FAM98A: variants seen among roughly 807,000 people sequenced by gnomAD.
FAM98A encodes the protein tRNA splicing ligase complex subunit 3A.
FAM98A carries 25 observed loss-of-function variants against 62.9 expected under a neutral mutation model. The ratio of observed to expected loss-of-function variants is 0.40; its 90% CI spans 0.29 to 0.56. FAM98A has a LOEUF of 0.56. FAM98A is among the 20% of genes least tolerant of loss of function. The pLI is 0.51. For synonymous variants in FAM98A, 252 were observed against 228.6 expected, an observed-to-expected ratio of 1.10 and a Z score of -0.92; for missense variants, 653 against 640.7, an observed-to-expected ratio of 1.02 and a Z score of -0.21.
chr2:33,595,618 C>T lies in FAM98A; in HGVS notation c.73G>A (p.Glu25Lys), dbSNP rs1275580463. ...EDLGYKGPLLEDGALSQAVSA... is the reference protein window; with the variant it reads ...EDLGYKGPLLKDGALSQAVSA... ...ACTGCCTGAGAGAGCGCTCCATCTT[C>T]CAACAATGGGCCCTTGTAACTGGTG... is the stretch of plus-strand genomic sequence containing the variant. The change falls in exon 2 of 8, where the codon GAA becomes AAA. Residue 25 changes from glutamate to lysine, a missense_variant. Glu to Lys is a moderately conservative substitution (Grantham distance 56, BLOSUM62 1). Transcript: ENST00000238823. 5.0e-6 allele frequency: 8 copies of T among 1,586,060 alleles called. No individual in the cohort carries two copies. The highest frequency in any genetic ancestry group is 6.8e-6 in the Non-Finnish European group (8 of 1,171,124).
intron 2 of FAM98A, among the ~76,000 whole-genome samples, chr2:33,592,835 C>G (rs184774181): frequency 6.6e-6 from 1 of 152,186 alleles, no homozygotes; most frequent in Non-Finnish European, 1.5e-5. Flanking sequence ...GCTATAATCA[C>G]CTACATTCCC....
chr2:33,599,274 A>G lies in FAM98A; in HGVS notation c.-53T>C. 3 of 1,469,100 alleles carry G rather than the reference A, an allele frequency of 2.0e-6. No individual in the cohort carries two copies. The highest frequency in any genetic ancestry group is 2.3e-5 in the South Asian group (2 of 88,222). The allele number at this position is 1,469,100 out of a possible 1,614,324, so 91.0% of individuals were successfully genotyped here. Reference sequence around the variant, plus strand: ...CGTCAGGCTCCCCTCTTCGCCGGCAACGCGTACACTCGCGCATGCGCGACT... The same window carrying G: ...CGTCAGGCTCCCCTCTTCGCCGGCAGCGCGTACACTCGCGCATGCGCGACT... On this transcript the variant is annotated 5_prime_UTR_variant, in exon 1 of 8. Transcript: ENST00000238823.
chr2:33,591,990 A>C, intron 3 of FAM98A, 90 bp downstream of exon 3: 1 of 1,161,020 alleles, frequency 8.6e-7, no homozygotes, highest in East Asian at 2.4e-5. Flanking sequence ...TTCATAATGA[A>C]ATAAACAAAC....
chr2:33,588,631 A>T, intron 3 of FAM98A, 112 bp from the exon 4 acceptor site: 1 of 688,350 alleles, frequency 1.5e-6, no homozygotes, highest in Non-Finnish European at 2.2e-6. Context: ...AGCTGCAAGA[A>T]TGGATAAAAA....
In FAM98A at chr2:33,585,393, G is replaced by T. The variant is rs1422375550; in HGVS notation, c.940C>A (p.Pro314Thr). 6 of 1,613,992 alleles carry T rather than the reference G, an allele frequency of 3.7e-6. No individual in the cohort carries two copies. Among genetic ancestry groups the T allele is most frequent in the Admixed American group, 1.7e-5 (1 of 59,998 alleles). Reference sequence around the variant, plus strand: ...CACGGTGGCATCTCTGGGGGTGGAGGTTCGATTTCATTGGGTCTACCACCT... The same window carrying T: ...CACGGTGGCATCTCTGGGGGTGGAGTTTCGATTTCATTGGGTCTACCACCT... Reference protein sequence around the residue: ...DRGGRPNEIEPPPPEMPPWQK... With the variant: ...DRGGRPNEIETPPPEMPPWQK... Residue 314 changes from proline (P) to threonine (T), a missense_variant, in exon 8 of 8, where the codon CCT (proline) becomes ACT (threonine). Physicochemically the swap from Pro to Thr is conservative, Grantham distance 38 (BLOSUM62 -1). Transcript: ENST00000238823.
chr2:33,595,068 C>T (rs1004277341), intron 2 of FAM98A, among the ~76,000 whole-genome samples: 1 of 152,180 alleles, frequency 6.6e-6, no homozygotes, highest in East Asian at 1.9e-4. Context: ...TCTTTCTCCC[C>T]AAGCATAACA....
chr2:33,599,227 T>C lies in FAM98A; in HGVS notation c.-6A>G, dbSNP rs748200946. 9.9e-6 allele frequency: 16 copies of C among 1,613,210 alleles called. No homozygotes were observed. The African/African-American group carries it at 1.7e-4, about 17-fold the overall frequency. On this transcript the variant is annotated 5_prime_UTR_variant, in exon 1 of 8. Transcript: ENST00000238823. ...TCCATGAGGTCACACTCCATGCTAC[T>C]GTGGTATTCAAATTTCCGAGTCGTC... is the stretch of plus-strand genomic sequence containing the variant.
intron 5 of FAM98A, 118 bp downstream of exon 5, chr2:33,587,122 A>G: frequency 1.5e-6 from 1 of 654,096 alleles, no homozygotes; most frequent in Non-Finnish European, 2.7e-6. Flanking sequence ...AAGGGTGTTC[A>G]ACTAGAAAAC....
rs751373554 is a variant in FAM98A, at chr2:33,586,589, T to A, written c.693A>T (p.Gln231His). ...TAGCTCTGTCAGACCAGCCAAAGGA[T>A]TGTACAGTGACATCCAAACGTTTTA... Reference protein sequence around the residue: ...LLIKRLDVTVQSFGWSDRAKS... With the variant: ...LLIKRLDVTVHSFGWSDRAKS... Residue 231 changes from glutamine to histidine, a missense_variant, in exon 6 of 8, where the codon CAA (glutamine) becomes CAT (histidine). Transcript: ENST00000238823. 1 of 1,611,992 alleles carries A rather than the reference T, an allele frequency of 6.2e-7. No homozygotes were observed. Among genetic ancestry groups the A allele is most frequent in the East Asian group, 2.2e-5 (1 of 44,868 alleles).
At chr2:33,585,966 C>T (rs1341724297) in intron 6 of FAM98A, among the ~76,000 whole-genome samples, 2 of 152,192 alleles carry the variant, frequency 1.3e-5, no homozygotes, top group South Asian at 4.2e-4. Flanking sequence ...GGTTATGAGG[C>T]CAACGTGATA....
At chr2:33,588,232 G>A (rs1329497735) in intron 4 of FAM98A, 103 bp downstream of exon 4, 2 of 867,130 alleles carry the variant, frequency 2.3e-6, no homozygotes, top group African/African-American at 3.4e-5. Context: ...AATAATATAT[G>A]CACATTAGGT....
chr2:33,599,242 T>C lies in FAM98A; in HGVS notation c.-21A>G, dbSNP rs774013905. On this transcript the variant is annotated 5_prime_UTR_variant, in exon 1 of 8. Coordinates refer to ENST00000238823, the MANE Select transcript of FAM98A (RefSeq NM_015475.5). ...TCCATGCTACTGTGGTATTCAAATT[T>C]CCGAGTCGTCAGGCTCCCCTCTTCG... The C allele has an allele frequency of 6.2e-7, 1 of 1,609,876 alleles. No homozygotes were observed. Among genetic ancestry groups the C allele is most frequent in the South Asian group, 1.1e-5 (1 of 90,990 alleles).
intron 1 of FAM98A, 72 bp from the exon 2 acceptor site, chr2:33,595,709 A>G (rs1677797059): frequency 9.2e-7 from 1 of 1,091,916 alleles, no homozygotes; most frequent in Non-Finnish European, 1.3e-6. Context: ...AAACATATCT[A>G]TGTCTTATTT....
rs538570977 is a variant in FAM98A, at chr2:33,599,066, G to A, written c.53+103C>T. On this transcript the variant is annotated intron_variant, in intron 1 of 7. Coordinates refer to ENST00000238823, the MANE Select transcript of FAM98A (RefSeq NM_015475.5). ...AGGGAAGCGACAGCCAGGAGCCACG[G>A]GGTGCGGCGTGGAGAGGCAGGTGTC... 63 of 941,244 alleles carry A rather than the reference G, an allele frequency of 6.7e-5. No homozygotes were observed. The East Asian group carries it at 6.9e-4, about 10-fold the overall frequency. 58.3% of individuals were successfully genotyped at this position (941,244 alleles called of 1,614,324 possible). A position where few individuals can be genotyped will look rare whatever the true frequency, so the allele number is the denominator to read the frequency against.
At position 33,584,131 on chromosome 2, in the gene FAM98A, T is replaced by C. The variant is rs1677478994; in HGVS notation, c.*645A>G. 6.6e-6 allele frequency: 1 copy of C among 152,670 alleles called. No individual in the cohort carries two copies. Among genetic ancestry groups the C allele is most frequent in the African/African-American group, 2.4e-5 (1 of 41,466 alleles). 9.5% of individuals were successfully genotyped at this position (152,670 alleles called of 1,614,324 possible). A position where few individuals can be genotyped will look rare whatever the true frequency, so the allele number is the denominator to read the frequency against. Reference sequence around the variant, plus strand: ...TTCACAACTTAGTTTGCTTTTATAATCTTTATGGATTTTGGCCGTGTTCAA... The same window carrying C: ...TTCACAACTTAGTTTGCTTTTATAACCTTTATGGATTTTGGCCGTGTTCAA... On this transcript the variant is annotated 3_prime_UTR_variant, in exon 8 of 8. Coordinates refer to ENST00000238823, the MANE Select transcript of FAM98A (RefSeq NM_015475.5).
intron 1 of FAM98A, among the ~76,000 whole-genome samples, chr2:33,596,587 T>C (rs1469538117): frequency 1.3e-5 from 2 of 152,110 alleles, no homozygotes; most frequent in Non-Finnish European, 2.9e-5. Context: ...ACAATAAATA[T>C]GCTTAAGATA....
intron 2 of FAM98A, among the ~76,000 whole-genome samples, 159 bp downstream of exon 2, chr2:33,595,330 C>T (rs193246324): frequency 6.6e-6 from 1 of 152,250 alleles, no homozygotes; most frequent in African/African-American, 2.4e-5. Context: ...TTCTGAATCA[C>T]CTCTAAAAAC....
chr2:33,594,638 CACATATATAT>C (rs1677756453), intron 2 of FAM98A, among the ~76,000 whole-genome samples: 1 of 118,496 alleles, frequency 8.4e-6, no homozygotes, highest in African/African-American at 3.8e-5. Context: ...CATATATATA[CACATATATAT>C]ATACACACAT....
rs764207387 is a variant in FAM98A at position 33,592,043 on chromosome 2, GA to G, written c.337+36del. The G allele has an allele frequency of 2.6e-6, 4 of 1,566,336 alleles. No homozygotes were observed. The African/African-American group carries it at 4.1e-5, about 16-fold the overall frequency. On this transcript the variant is annotated intron_variant, in intron 3 of 7. Coordinates refer to ENST00000238823, the MANE Select transcript of FAM98A (RefSeq NM_015475.5). ...TTATTAGTCATGGAAAACATAAACA[GA>G]AAGTAATAGCTATATTCTAGTAGCC...
Sources: allele counts gnomAD v4.1 joint callset (sites outside exome capture counted in the v4.1 genomes callset), GRCh38; gene constraint gnomAD v4.1.1; transcripts MANE v1.5; gene names NCBI Gene and HGNC (gene_info 2026-07-23, HGNC 2026-07-21).